The following SPHKAP variants were observed in gnomAD, a reference collection of about 807,000 sequenced individuals.
The protein encoded by SPHKAP is SPHK1 interactor, AKAP domain containing, also known as A-kinase anchor protein SPHKAP.
In SPHKAP, 67 loss-of-function variants were observed where a neutral mutation model predicts 137.5. The ratio of observed to expected loss-of-function variants is 0.49; its 90% CI spans 0.40 to 0.60. SPHKAP has a LOEUF of 0.60. Among genes scored for constraint, SPHKAP ranks in the 20% least tolerant of loss-of-function variants. The probability of loss-of-function intolerance (pLI) is 0.00; values close to 1 mark genes in which losing one functional copy is unlikely to be tolerated. For missense variants in SPHKAP, 2,097 were observed against 2,069.3 expected, an observed-to-expected ratio of 1.01 and a Z score of -0.26; for synonymous variants, 813 against 785.3, an observed-to-expected ratio of 1.04 and a Z score of -0.59.
intron 1 of SPHKAP, among the ~76,000 whole-genome samples, chr2:228,149,796 AATTT>A (rs1375346639): frequency 3.3e-5 from 5 of 152,022 alleles, no homozygotes; most frequent in Admixed American, 6.6e-5. Flanking sequence ...AAACATCCTA[AATTT>A]ATTTATTCAG....
chr2:228,045,569 A>AG (rs1696011678), intron 3 of SPHKAP, among the ~76,000 whole-genome samples: 1 of 151,914 alleles, frequency 6.6e-6, no homozygotes, highest in African/African-American at 2.4e-5. Context: ...GGACACACGA[A>AG]GGGGAACATC....
intron 3 of SPHKAP, among the ~76,000 whole-genome samples, chr2:228,101,225 A>G (rs913298708): frequency 1.3e-5 from 2 of 152,078 alleles, no homozygotes; most frequent in African/African-American, 4.8e-5. Flanking sequence ...CCCCTTCCAT[A>G]CACTAGAAGC....
At chr2:228,146,767 G>A (rs1020412708) in intron 1 of SPHKAP, among the ~76,000 whole-genome samples, 1 of 152,192 alleles carries the variant, frequency 6.6e-6, no homozygotes, top group African/African-American at 2.4e-5. Context: ...ATATTCCATG[G>A]TGTATATGTA....
chr2:228,099,220 G>A (rs939228919), intron 3 of SPHKAP, among the ~76,000 whole-genome samples: 2 of 152,098 alleles, frequency 1.3e-5, no homozygotes, highest in African/African-American at 2.4e-5. Context: ...ATGGTAAAAC[G>A]TAGGGGTCTA....
chr2:228,022,084 T>C (rs1003149208), intron 5 of SPHKAP, 118 bp from the exon 6 acceptor site: 9 of 1,353,476 alleles, frequency 6.6e-6, no homozygotes, highest in Admixed American at 3.4e-5. Context: ...CTTTAAAATA[T>C]TTGAAATGTC....
chr2:228,000,574 C>T (rs371107013), intron 7 of SPHKAP, among the ~76,000 whole-genome samples: 14 of 151,392 alleles, frequency 9.2e-5, no homozygotes, highest in South Asian at 2.1e-4. Flanking sequence ...GCCAAGATGG[C>T]GCCACTGCAC....
intron 3 of SPHKAP, among the ~76,000 whole-genome samples, chr2:228,054,956 A>G (rs1001357856): frequency 1.3e-5 from 2 of 152,048 alleles, no homozygotes; most frequent in Non-Finnish European, 2.9e-5. Context: ...CCTGGCTAAC[A>G]TGGTGAAACC....
At chr2:228,026,921 G>T (rs1695062934) in intron 4 of SPHKAP, among the ~76,000 whole-genome samples, 2 of 152,208 alleles carry the variant, frequency 1.3e-5, no homozygotes, top group Non-Finnish European at 2.9e-5. Context: ...ACCATTGTCA[G>T]GTTTTAGCAT....
chr2:228,172,620 G>C (rs186670550), intron 1 of SPHKAP, among the ~76,000 whole-genome samples: 103 of 152,288 alleles, frequency 6.8e-4, no homozygotes, highest in Non-Finnish European at 1.3e-3. Context: ...GGTCAGGCAG[G>C]ATGGGCTAGG....
chr2:228,127,564 A>G (rs1699114521), intron 2 of SPHKAP, among the ~76,000 whole-genome samples: 2 of 152,284 alleles, frequency 1.3e-5, no homozygotes, highest in Admixed American at 1.3e-4. Flanking sequence ...ATTACCAGGA[A>G]AGGTACTGAC....
chr2:228,063,857 T>A (rs943896459), intron 3 of SPHKAP, among the ~76,000 whole-genome samples: 3 of 152,222 alleles, frequency 2.0e-5, no homozygotes, highest in African/African-American at 7.2e-5. Flanking sequence ...GGTCCATTCA[T>A]CCTGAAATTA....
chr2:228,054,741 G>A (rs1696376865), intron 3 of SPHKAP, among the ~76,000 whole-genome samples: 1 of 152,070 alleles, frequency 6.6e-6, no homozygotes, highest in Non-Finnish European at 1.5e-5. Context: ...AAAAGCAAAT[G>A]GAGGCTTTGA....
At chr2:228,115,358 C>T (rs1698675278) in intron 2 of SPHKAP, among the ~76,000 whole-genome samples, 1 of 152,028 alleles carries the variant, frequency 6.6e-6, no homozygotes, top group Non-Finnish European at 1.5e-5. Flanking sequence ...TCCCTCCTTC[C>T]CCACTTCCAG....
intron 3 of SPHKAP, among the ~76,000 whole-genome samples, chr2:228,032,217 G>A (rs562228569): frequency 7.9e-5 from 12 of 152,120 alleles, no homozygotes; most frequent in Non-Finnish European, 1.0e-4. Context: ...GCCAAGGCTC[G>A]AGAACTACAT....
At chr2:228,087,118 C>T (rs551868972) in intron 3 of SPHKAP, among the ~76,000 whole-genome samples, 1 of 152,286 alleles carries the variant, frequency 6.6e-6, no homozygotes, top group African/African-American at 2.4e-5. Context: ...GGAGGAAAGA[C>T]AGTCAAAGAG....
At chr2:227,993,000 G>T (rs944060315) in intron 9 of SPHKAP, among the ~76,000 whole-genome samples, 3 of 152,054 alleles carry the variant, frequency 2.0e-5, no homozygotes, top group African/African-American at 7.2e-5. Flanking sequence ...AAAAGTACCT[G>T]TCCTTCTCTA....
chr2:227,981,590 C>A lies in SPHKAP; in HGVS notation c.*127G>T. The A allele has an allele frequency of 1.6e-6, 2 of 1,267,872 alleles. No homozygotes were observed. Among genetic ancestry groups the A allele is most frequent in the South Asian group, 1.6e-5 (1 of 62,240 alleles). The allele number at this position is 1,267,872 out of a possible 1,614,324, so 78.5% of individuals were successfully genotyped here. Reference sequence around the variant, plus strand: ...TTCTGTATGCAGTGGATCTGAGTAGCAGATTTTTTTTTATAGTTCTGCTAA... The same window carrying A: ...TTCTGTATGCAGTGGATCTGAGTAGAAGATTTTTTTTTATAGTTCTGCTAA... On this transcript the variant is annotated 3_prime_UTR_variant, in exon 12 of 12. Transcript: ENST00000392056.
chr2:228,007,395 T>C (rs1159633222), intron 7 of SPHKAP, among the ~76,000 whole-genome samples: 1 of 152,170 alleles, frequency 6.6e-6, no homozygotes, highest in Non-Finnish European at 1.5e-5. Context: ...CACCTTTCTG[T>C]GCAATAGAGC....
intron 11 of SPHKAP, among the ~76,000 whole-genome samples, chr2:227,982,931 ACTGT>A: frequency 6.6e-6 from 1 of 152,236 alleles, no homozygotes; most frequent in Middle Eastern, 3.4e-3. Context: ...TCTCAAGAAG[ACTGT>A]TGGGAATATG....
Sources: gnomAD v4.1 joint callset for allele counts (sites outside exome capture counted in the v4.1 genomes callset) on GRCh38, gnomAD v4.1.1 for gene constraint, MANE v1.5 for transcripts, NCBI Gene and HGNC (gene_info 2026-07-23, HGNC 2026-07-21) for gene names.